NINJ2: variants seen among roughly 807,000 people sequenced by gnomAD.
The protein encoded by NINJ2 is ninjurin 2, also known as ninjurin-2.
In NINJ2, 12 loss-of-function variants were observed where a neutral mutation model predicts 11.7. The ratio of observed to expected loss-of-function variants is 1.02; its 90% CI spans 0.66 to 1.66. NINJ2 has a LOEUF of 1.66. NINJ2 is among the 40% of genes most tolerant of loss of function. NINJ2 has a pLI of 0.00. For missense variants in NINJ2, 187 were observed against 181.8 expected, an observed-to-expected ratio of 1.03 and a Z score of -0.16; for synonymous variants, 93 against 76.8, an observed-to-expected ratio of 1.21 and a Z score of -1.10.
chr12:641,796 G>C (rs1252256438), intron 1 of NINJ2, among the ~76,000 whole-genome samples: 1 of 127,654 alleles, frequency 7.8e-6, no homozygotes, highest in African/African-American at 2.9e-5. Context: ...AGTGAGCCGA[G>C]ATGGCGCCAC....
intron 1 of NINJ2, among the ~76,000 whole-genome samples, chr12:572,331 A>T (rs1229467161): frequency 1.3e-5 from 2 of 152,146 alleles, no homozygotes; most frequent in African/African-American, 4.8e-5. Context: ...AGGGCTACAC[A>T]CTAGCAGGCC....
chr12:576,903 C>T (rs1274433344), intron 1 of NINJ2, among the ~76,000 whole-genome samples: 1 of 152,200 alleles, frequency 6.6e-6, no homozygotes, highest in African/African-American at 2.4e-5. Flanking sequence ...TTGCTCTATG[C>T]CCACTTGAGC....
At chr12:595,488 A>G (rs1947772316) in intron 1 of NINJ2, among the ~76,000 whole-genome samples, 1 of 152,232 alleles carries the variant, frequency 6.6e-6, no homozygotes, top group Non-Finnish European at 1.5e-5. Context: ...TTTGCAAAAA[A>G]TATTGGCCAG....
chr12:639,000 G>A (rs556336799), intron 1 of NINJ2, among the ~76,000 whole-genome samples: 2 of 152,238 alleles, frequency 1.3e-5, no homozygotes, highest in South Asian at 4.1e-4. Context: ...ATTCTGACAT[G>A]GAGAGATTTC....
intron 1 of NINJ2, among the ~76,000 whole-genome samples, chr12:622,273 G>A (rs113600157): frequency 0.014 from 2,059 of 151,240 alleles, 49 homozygotes; most frequent in African/African-American, 0.048. Context: ...AGCCGGGTGC[G>A]GTGGTGGGTG....
intron 1 of NINJ2, among the ~76,000 whole-genome samples, chr12:589,981 G>C (rs1395889564): frequency 1.3e-5 from 2 of 152,190 alleles, no homozygotes; most frequent in Non-Finnish European, 2.9e-5. Flanking sequence ...GAGGTGGAGC[G>C]GTGTGGGGCA....
intron 1 of NINJ2, among the ~76,000 whole-genome samples, chr12:660,567 C>T (rs1937944881): frequency 6.6e-6 from 1 of 151,914 alleles, no homozygotes; most frequent in South Asian, 2.1e-4. Flanking sequence ...TCTGCAACCC[C>T]TGACCTCGTG....
At chr12:571,218 GGGAGTTTGGGGCGGCATGAAGCT>G (rs1181944850) in intron 1 of NINJ2, among the ~76,000 whole-genome samples, 46 of 152,356 alleles carry the variant, frequency 3.0e-4, no homozygotes, top group African/African-American at 1.1e-3. Context: ...TGGACAGACG[GGGAGTTTGGGGCGGCATGAAGCT>G]GGAGCGCGGC....
chr12:608,521 A>G (rs2120931024), intron 1 of NINJ2, among the ~76,000 whole-genome samples: 1 of 152,376 alleles, frequency 6.6e-6, no homozygotes, highest in Non-Finnish European at 1.5e-5. Context: ...GAGACATTAA[A>G]TGAGATTACA....
intron 1 of NINJ2, among the ~76,000 whole-genome samples, chr12:616,915 AG>A (rs1241100150): frequency 6.6e-6 from 1 of 152,310 alleles, no homozygotes; most frequent in Non-Finnish European, 1.5e-5. Context: ...CTTTAAAAAA[AG>A]TGTGCTCAGC....
intron 1 of NINJ2, among the ~76,000 whole-genome samples, chr12:647,868 G>A (rs1375566438): frequency 6.6e-6 from 1 of 152,104 alleles, no homozygotes. Context: ...CACTGAGTTC[G>A]AGTATAGCAA....
chr12:620,666 G>T (rs951279867), intron 1 of NINJ2, among the ~76,000 whole-genome samples: 1 of 152,144 alleles, frequency 6.6e-6, no homozygotes, highest in Non-Finnish European at 1.5e-5. Flanking sequence ...GTCTTACTCT[G>T]TCACCCAGGC....
At chr12:609,040 G>A (rs1947978001) in intron 1 of NINJ2, among the ~76,000 whole-genome samples, 1 of 149,970 alleles carries the variant, frequency 6.7e-6, no homozygotes, top group African/African-American at 2.5e-5. Context: ...ACGCACGCAC[G>A]GCGCCACGCG....
At chr12:577,777 A>G (rs11063684) in intron 1 of NINJ2, among the ~76,000 whole-genome samples, 57,162 of 151,250 alleles carry the variant, frequency 0.38, 11,565 homozygotes, top group African/African-American at 0.5. Context: ...GCTAAGTCTC[A>G]AACTCCTGAG....
rs556546678 is a variant in NINJ2, at chr12:599,525, C to T, written c.34-33347G>A. Among the ~76,000 whole-genome samples the T allele has an allele frequency of 3.9e-4, 60 of 152,280 alleles. 1 individual carries two copies. The highest frequency in any genetic ancestry group is 3.5e-3 in the South Asian group (17 of 4,830). ...GCACAAGCCATCACACGTTGAGCAGCGTGTAAGACCTCACAACATGATCTC... is the reference window on the plus strand; with the variant it reads ...GCACAAGCCATCACACGTTGAGCAGTGTGTAAGACCTCACAACATGATCTC... On this transcript the variant is annotated intron_variant, in intron 1 of 3. Transcript: ENST00000305108.
At chr12:663,236 G>T (rs1449046876) in intron 1 of NINJ2, 92 bp downstream of exon 1, 2 of 1,149,720 alleles carry the variant, frequency 1.7e-6, no homozygotes, top group Non-Finnish European at 2.5e-6. Flanking sequence ...CGGGGAGGGA[G>T]AATATCAAGT....
At chr12:642,607 AAT>A (rs1234031869) in intron 1 of NINJ2, 6 of 152,262 alleles carry the variant, frequency 3.9e-5, no homozygotes, top group Admixed American at 3.3e-4. Context: ...AAGGAACCGA[AAT>A]AGCCCAGACT....
At chr12:572,303 G>C (rs1205900403) in intron 1 of NINJ2, among the ~76,000 whole-genome samples, 2 of 152,232 alleles carry the variant, frequency 1.3e-5, no homozygotes, top group Non-Finnish European at 2.9e-5. Context: ...GGAGCTTCCT[G>C]TGTGCCAGCG....
At chr12:601,369 AC>A (rs761951541) in intron 1 of NINJ2, among the ~76,000 whole-genome samples, 36 of 151,070 alleles carry the variant, frequency 2.4e-4, no homozygotes, top group Non-Finnish European at 1.2e-4. Context: ...ACACAGTGAA[AC>A]CCCGTCTCTA....
Sources: gnomAD v4.1 joint callset for allele counts (sites outside exome capture counted in the v4.1 genomes callset) on GRCh38, gnomAD v4.1.1 for gene constraint, MANE v1.5 for transcripts, NCBI Gene and HGNC (gene_info 2026-07-23, HGNC 2026-07-21) for gene names.